NWD1: variants seen among roughly 807,000 people sequenced by gnomAD.
NWD1 encodes the protein NACHT and WD repeat domain containing 1, also known as NACHT domain- and WD repeat-containing protein 1.
A neutral mutation model predicts 135.1 loss-of-function variants in NWD1; 129 were observed. The ratio of observed to expected loss-of-function variants is 0.96; its 90% CI spans 0.83 to 1.11. The LOEUF (loss-of-function observed/expected upper bound fraction) is 1.11, where lower values mean the gene tolerates loss of function less well. Among genes scored for constraint, NWD1 ranks in the 50% least tolerant of loss-of-function variants. The probability of loss-of-function intolerance (pLI) is 0.00; values close to 1 mark genes in which losing one functional copy is unlikely to be tolerated. For synonymous variants in NWD1, 773 were observed against 786.0 expected, an observed-to-expected ratio of 0.98 and a Z score of 0.28; for missense variants, 1,740 against 1,851.3, an observed-to-expected ratio of 0.94 and a Z score of 1.10.
In NWD1 at chr19:16,746,285, A is replaced by G. The variant is rs558870639; in HGVS notation, c.496+1567A>G. On this transcript the variant is annotated intron_variant, in intron 5 of 18. Coordinates refer to ENST00000524140, the MANE Select transcript of NWD1 (RefSeq NM_001007525.5). ...TGACGTGGGAGGATTGCGTCAGCCTAGGAGGCGGAGATTGCAGTGAACCAA... is the reference window on the plus strand; with the variant it reads ...TGACGTGGGAGGATTGCGTCAGCCTGGGAGGCGGAGATTGCAGTGAACCAA... 7.3e-5 allele frequency among the ~76,000 whole-genome samples: 11 copies of G among 151,236 alleles called. No homozygotes were observed. In the South Asian group the frequency reaches 1.7e-3, roughly 23 times the overall value.
intron 18 of NWD1, 131 bp downstream of exon 18, chr19:16,808,267 T>G: frequency 1.2e-6 from 1 of 826,060 alleles, no homozygotes; most frequent in East Asian, 2.7e-5. Flanking sequence ...ATGAGGCACT[T>G]GGTCAGGCGC....
intron 2 of NWD1, among the ~76,000 whole-genome samples, chr19:16,730,215 G>C (rs889291784): frequency 5.9e-5 from 9 of 151,542 alleles, no homozygotes; most frequent in Admixed American, 2.0e-4. Flanking sequence ...CCAGCTACTT[G>C]GGAGGCTGAG....
chr19:16,729,978 GC>G lies in NWD1; in HGVS notation c.-6-1211del, dbSNP rs1209560656. Among the ~76,000 whole-genome samples, 43 of 152,226 alleles carry G rather than the reference GC, an allele frequency of 2.8e-4. 1 individual carries two copies. Among genetic ancestry groups the G allele is most frequent in the Middle Eastern group, 3.4e-3 (1 of 294 alleles). ...TTTGTCCCTGTTATTCTCTAGCCCA[GC>G]CCACCCGTGTGTTTTCAATAGCACT... On this transcript the variant is annotated intron_variant, in intron 2 of 18. Transcript: ENST00000524140.
chr19:16,747,277 G>A (rs112265523), intron 5 of NWD1, among the ~76,000 whole-genome samples: 3 of 150,356 alleles, frequency 2.0e-5, no homozygotes, highest in African/African-American at 4.9e-5. Flanking sequence ...CCTCTTGATC[G>A]GCCCGCCTTG....
intron 11 of NWD1, among the ~76,000 whole-genome samples, chr19:16,775,121 G>A (rs958153542): frequency 3.3e-5 from 5 of 152,110 alleles, no homozygotes; most frequent in African/African-American, 1.2e-4. Context: ...ACCTGGCAGT[G>A]AGAGCTGCAC....
At chr19:16,722,441 C>T (rs1267704877) in intron 1 of NWD1, among the ~76,000 whole-genome samples, 1 of 151,916 alleles carries the variant, frequency 6.6e-6, no homozygotes, top group Non-Finnish European at 1.5e-5. Flanking sequence ...AGGCATGAAC[C>T]ATCACGCCCA....
At position 16,744,591 on chromosome 19, in the gene NWD1, A is replaced by T; in HGVS notation, c.369A>T (p.Ala123=). ...TTCCTCCCACCTACGTCCTGCAGGC[A>T]CCAGGTACTGGGGAGGCCTGTGAAC... is the stretch of plus-strand genomic sequence containing the variant. ...NAFPPTYVLQ[A]PGTGEACEPE... The change falls in exon 5 of 19, where the codon GCA becomes GCT. Residue 123 remains alanine (A), a synonymous_variant. Coordinates refer to ENST00000524140, the MANE Select transcript of NWD1 (RefSeq NM_001007525.5). 1.3e-6 allele frequency: 2 copies of T among 1,535,078 alleles called. No homozygotes were observed. Among genetic ancestry groups the T allele is most frequent in the East Asian group, 2.4e-5 (1 of 40,872 alleles).
intron 7 of NWD1, among the ~76,000 whole-genome samples, chr19:16,761,455 C>T (rs928474937): frequency 6.6e-6 from 1 of 152,112 alleles, no homozygotes; most frequent in African/African-American, 2.4e-5. Flanking sequence ...CAGCTCACTG[C>T]AACCTCCACC....
chr19:16,754,143 A>G (rs1243071139), intron 6 of NWD1, among the ~76,000 whole-genome samples: 2 of 148,304 alleles, frequency 1.3e-5, no homozygotes, highest in Non-Finnish European at 3.0e-5. Flanking sequence ...CCTTTCATCC[A>G]TCCGTCCATC....
At chr19:16,737,964 C>CGAAAAGAAAAGAAAAGAAAA (rs60410383) in intron 4 of NWD1, among the ~76,000 whole-genome samples, 1,498 of 124,634 alleles carry the variant, frequency 0.012, 55 homozygotes, top group African/African-American at 0.045. Flanking sequence ...GACTCTATCT[C>CGAAAAGAAAAGAAAAGAAAA]GAAAAGAAAA....
intron 10 of NWD1, among the ~76,000 whole-genome samples, chr19:16,770,336 TCA>T (rs1969371399): frequency 6.6e-6 from 1 of 152,160 alleles, no homozygotes; most frequent in Admixed American, 6.6e-5. Context: ...TGCTCAGCTC[TCA>T]TTCTTCTCTC....
At chr19:16,748,553 G>A (rs1016173575) in intron 5 of NWD1, among the ~76,000 whole-genome samples, 40 of 152,150 alleles carry the variant, frequency 2.6e-4, no homozygotes, top group African/African-American at 9.2e-4. Context: ...CAGGCCGGGC[G>A]CAGTGGCTCA....
At chr19:16,749,012 T>G (rs1321153802) in intron 5 of NWD1, 127 bp from the exon 6 acceptor site, 1 of 699,890 alleles carries the variant, frequency 1.4e-6, no homozygotes, top group Non-Finnish European at 2.4e-6. Context: ...CAGGTCAGAC[T>G]CTGGTGCACG....
chr19:16,808,690 C>T (rs1211666823), intron 18 of NWD1, among the ~76,000 whole-genome samples: 1 of 152,072 alleles, frequency 6.6e-6, no homozygotes, highest in Non-Finnish European at 1.5e-5. Flanking sequence ...TCATTGCAGC[C>T]TCAATCTCCT....
chr19:16,769,025 C>A (rs1481071056), intron 10 of NWD1, among the ~76,000 whole-genome samples: 1 of 152,180 alleles, frequency 6.6e-6, no homozygotes, highest in Non-Finnish European at 1.5e-5. Flanking sequence ...TTCCATACAG[C>A]ACTCAGAAGA....
intron 8 of NWD1, among the ~76,000 whole-genome samples, chr19:16,762,782 G>A (rs1049805724): frequency 4.7e-5 from 7 of 149,600 alleles, no homozygotes; most frequent in Non-Finnish European, 8.9e-5. Flanking sequence ...TCCCTCCCTC[G>A]CTTCCTTCCT....
At chr19:16,809,912 C>G (rs951452313) in intron 18 of NWD1, among the ~76,000 whole-genome samples, 1 of 152,024 alleles carries the variant, frequency 6.6e-6, no homozygotes, top group East Asian at 1.9e-4. Context: ...CTGCCAGGAC[C>G]CCTTTCTATC....
intron 6 of NWD1, among the ~76,000 whole-genome samples, chr19:16,750,993 G>A (rs180867312): frequency 1.6e-3 from 245 of 151,188 alleles, no homozygotes; most frequent in African/African-American, 5.4e-3. Flanking sequence ...AGGCCGAGGC[G>A]GGCGGATCAC....
chr19:16,765,186 G>C lies in NWD1; in HGVS notation c.2404G>C (p.Gly802Arg). ...CTGCCGCCCTGCTGTGGAGCTCCGAGGCATGGGTGAGTCCAGATGGCCTGG... is the reference window on the plus strand; with the variant it reads ...CTGCCGCCCTGCTGTGGAGCTCCGACGCATGGGTGAGTCCAGATGGCCTGG... ...QLCRPAVELRGMERSLLYTEL... is the reference protein window; with the variant it reads ...QLCRPAVELRRMERSLLYTEL... The change falls in exon 10 of 19, where the codon GGC becomes CGC. Residue 802 changes from glycine (G) to arginine (R), a missense_variant. Gly to Arg is a moderately radical substitution (Grantham distance 125). Coordinates refer to ENST00000524140, the MANE Select transcript of NWD1 (RefSeq NM_001007525.5). 1 of 1,614,074 alleles carries C rather than the reference G, an allele frequency of 6.2e-7. No homozygotes were observed. The highest frequency in any genetic ancestry group is 8.5e-7 in the Non-Finnish European group (1 of 1,180,000).
Sources: allele counts gnomAD v4.1 joint callset (sites outside exome capture counted in the v4.1 genomes callset), GRCh38; gene constraint gnomAD v4.1.1; transcripts MANE v1.5; gene names NCBI Gene and HGNC (gene_info 2026-07-23, HGNC 2026-07-21).